Variants in BTBD16 observed in about 807,000 individuals in gnomAD.
BTBD16 encodes BTB domain containing 16.
In BTBD16, 66 loss-of-function variants were observed where a neutral mutation model predicts 67.4. That is an observed-to-expected ratio of 0.98 (90% CI 0.80 to 1.20). BTBD16 has a LOEUF of 1.20. Among genes scored for constraint, BTBD16 ranks in the 50% most tolerant of loss-of-function variants. The pLI is 0.00. For synonymous variants in BTBD16, 242 were observed against 236.4 expected (o/e 1.02, Z -0.22); for missense variants, 634 against 616.0 (o/e 1.03, Z -0.31).
chr10:122,286,372 AGT>A (rs2096363865), intron 5 of BTBD16, 124 bp downstream of exon 5: 10 of 1,363,844 alleles, frequency 7.3e-6, no homozygotes, highest in Non-Finnish European at 9.7e-6. Flanking sequence ...AAGGCTCCAC[AGT>A]GTTATCTCAT....
In BTBD16 at chr10:122,316,706, A is replaced by G. The variant is rs1469993699; in HGVS notation, c.911+9398A>G. On this transcript the variant is annotated intron_variant, in intron 10 of 15. Coordinates refer to ENST00000260723, the MANE Select transcript of BTBD16 (RefSeq NM_144587.5). ...GGCACTTATCATGCATGGAACTTGC[A>G]GGACTAGAAGTTGCTCTGGTGAGTC... 2.6e-5 allele frequency among the ~76,000 whole-genome samples: 4 copies of G among 152,196 alleles called. No homozygotes were observed. In the East Asian group the frequency reaches 7.7e-4, roughly 29 times the overall value.
chr10:122,317,582 G>C (rs995330659), intron 10 of BTBD16, among the ~76,000 whole-genome samples: 2 of 152,076 alleles, frequency 1.3e-5, no homozygotes, highest in Non-Finnish European at 2.9e-5. Context: ...GGGAGGCGGA[G>C]CTTGCAGTGA....
At chr10:122,297,713 G>C (rs374687388) in intron 7 of BTBD16, 55 bp from the exon 8 acceptor site, 2 of 1,592,538 alleles carry the variant, frequency 1.3e-6, no homozygotes, top group Admixed American at 3.4e-5. Context: ...GGGACTTTCC[G>C]CTTCTCCAAA....
chr10:122,297,767 G>C lies in BTBD16; in HGVS notation c.591-1G>C, dbSNP rs778793982. ...CAGAAACTGCAGTTCTCTCTCTCCA[G>C]GTGCGTGGATGTGATGATAGCCAGA... is the stretch of plus-strand genomic sequence containing the variant. On this transcript the variant is annotated splice_acceptor_variant, in intron 7 of 15. Transcript: ENST00000260723. LOFTEE classifies it high-confidence loss of function. 1 of 1,614,132 alleles carries C rather than the reference G, an allele frequency of 6.2e-7. No individual in the cohort carries two copies. The highest frequency in any genetic ancestry group is 8.5e-7 in the Non-Finnish European group (1 of 1,180,004).
chr10:122,306,616 C>A (rs1158833432), intron 9 of BTBD16, among the ~76,000 whole-genome samples: 3 of 152,192 alleles, frequency 2.0e-5, no homozygotes, highest in Admixed American at 1.3e-4. Context: ...GGTTTCAGCC[C>A]TCAATCATGG....
At chr10:122,272,964 G>C (rs952230619) in intron 1 of BTBD16, among the ~76,000 whole-genome samples, 3 of 151,986 alleles carry the variant, frequency 2.0e-5, no homozygotes, top group Non-Finnish European at 4.4e-5. Flanking sequence ...TGGTAGCCAG[G>C]AAAGTTCAAA....
chr10:122,297,657 TC>T lies in BTBD16; in HGVS notation c.591-109del, dbSNP rs1386523742. 2.5e-6 allele frequency: 3 copies of T among 1,197,168 alleles called. No individual in the cohort carries two copies. The African/African-American group carries it at 4.5e-5, about 18-fold the overall frequency. The allele number at this position is 1,197,168 out of a possible 1,614,324, so 74.2% of individuals were successfully genotyped here. A position where few individuals can be genotyped will look rare whatever the true frequency, so the allele number is the denominator to read the frequency against. The stretch of plus-strand genomic sequence containing the variant: ...CCATACCCCTAAAGCGAGGCTCCCT[TC>T]CGTTCAAAAGTCTGCTGCTGTCCTG... On this transcript the variant is annotated intron_variant, in intron 7 of 15. Coordinates refer to ENST00000260723, the MANE Select transcript of BTBD16 (RefSeq NM_144587.5).
intron 7 of BTBD16, chr10:122,294,264 A>G: frequency 4.2e-6 from 4 of 959,132 alleles, no homozygotes; most frequent in South Asian, 9.6e-5. Context: ...GAAGTGCCCC[A>G]GGTCACTCTG....
At chr10:122,333,072 C>A in intron 13 of BTBD16, 1 of 492,104 alleles carries the variant, frequency 2.0e-6, no homozygotes, top group Non-Finnish European at 2.6e-6. Flanking sequence ...GTGATGGAAG[C>A]AATTCTCCAA....
At chr10:122,290,036 G>A in intron 6 of BTBD16, 38 bp downstream of exon 6, 1 of 1,345,792 alleles carries the variant, frequency 7.4e-7, no homozygotes, top group African/African-American at 1.4e-5. Context: ...GAATGCCATT[G>A]AACAAATGGT....
intron 7 of BTBD16, among the ~76,000 whole-genome samples, chr10:122,292,141 G>A (rs1361980733): frequency 6.6e-6 from 1 of 152,198 alleles, no homozygotes; most frequent in Non-Finnish European, 1.5e-5. Context: ...GTCCGTGCAG[G>A]GTCTGTGCTC....
At chr10:122,298,938 C>T (rs1271340908) in intron 8 of BTBD16, 66 bp from the exon 9 acceptor site, 4 of 1,591,812 alleles carry the variant, frequency 2.5e-6, no homozygotes, top group Non-Finnish European at 3.4e-6. Flanking sequence ...GTAGTGTCGT[C>T]TCAGGCCAGC....
At chr10:122,282,057 G>A (rs547932752) in intron 3 of BTBD16, among the ~76,000 whole-genome samples, 2 of 152,286 alleles carry the variant, frequency 1.3e-5, no homozygotes, top group South Asian at 2.1e-4. Flanking sequence ...CCTACATGAC[G>A]AATGGTATAT....
At chr10:122,286,339 C>G (rs2104176) in intron 5 of BTBD16, 91 bp downstream of exon 5, 368,292 of 1,490,252 alleles carry the variant, frequency 0.25, 47,858 homozygotes, top group East Asian at 0.4. Flanking sequence ...TTTGAGACCA[C>G]GGTCACTCTA....
intron 10 of BTBD16, among the ~76,000 whole-genome samples, chr10:122,316,486 G>T (rs2096424744): frequency 6.6e-6 from 1 of 152,114 alleles, no homozygotes; most frequent in South Asian, 2.1e-4. Context: ...ATCATAGGGG[G>T]TGCTTACACA....
chr10:122,331,065 C>G, intron 11 of BTBD16, 111 bp from the exon 12 acceptor site: 1 of 1,422,514 alleles, frequency 7.0e-7, no homozygotes, highest in Non-Finnish European at 9.4e-7. Context: ...ACCATCCACC[C>G]CTTTCCCTTC....
At chr10:122,327,518 G>T (rs146370331) in intron 10 of BTBD16, 1 of 884,298 alleles carries the variant, frequency 1.1e-6, no homozygotes, top group African/African-American at 1.8e-5. Flanking sequence ...TGAGAGGCCC[G>T]GTCACAGGAC....
chr10:122,325,968 GGC>G (rs1565021493), intron 10 of BTBD16, among the ~76,000 whole-genome samples: 2 of 151,918 alleles, frequency 1.3e-5, no homozygotes, highest in Non-Finnish European at 2.9e-5. Context: ...GAGCCACTGT[GGC>G]TGGCCTCCAT....
At chr10:122,300,166 A>G (rs1261607972) in intron 9 of BTBD16, among the ~76,000 whole-genome samples, 1 of 152,208 alleles carries the variant, frequency 6.6e-6, no homozygotes, top group Non-Finnish European at 1.5e-5. Flanking sequence ...TCTTTCCCAC[A>G]TTAAATTCCT....
Sources: gnomAD v4.1 joint callset for allele counts (sites outside exome capture counted in the v4.1 genomes callset) on GRCh38, gnomAD v4.1.1 for gene constraint, MANE v1.5 for transcripts, NCBI Gene and HGNC (gene_info 2026-07-23, HGNC 2026-07-21) for gene names.